PIGB: variants seen among roughly 807,000 people sequenced by gnomAD.
PIGB encodes GPI alpha-1,2-mannosyltransferase 3.
A neutral mutation model predicts 68.4 loss-of-function variants in PIGB; 58 were observed. The observed-to-expected ratio is 0.85, with a 90% CI of 0.69 to 1.06. The LOEUF is 1.06. PIGB is among the 50% of genes least tolerant of loss of function. The pLI is 0.00. For missense variants in PIGB, 634 were observed against 655.8 expected, an observed-to-expected ratio of 0.97 and a Z score of 0.36; for synonymous variants, 219 against 220.5, an observed-to-expected ratio of 0.99 and a Z score of 0.06.
chr15:55,328,916 C>T (rs1367994673), intron 4 of PIGB, among the ~76,000 whole-genome samples: 6 of 152,110 alleles, frequency 3.9e-5, no homozygotes, highest in Non-Finnish European at 1.5e-5. Context: ...TGCCACTGCA[C>T]TCTAACCTGG....
chr15:55,355,574 A>G lies in PIGB; in HGVS notation c.*142A>G, dbSNP rs2056062482. Reference sequence around the variant, plus strand: ...CCAAATATCACTACTGAGGAAATGTATAAAATACCACATAGTATAAAATTA... The same window carrying G: ...CCAAATATCACTACTGAGGAAATGTGTAAAATACCACATAGTATAAAATTA... On this transcript the variant is annotated 3_prime_UTR_variant, in exon 12 of 12. Transcript: ENST00000164305. 1 of 593,252 alleles carries G rather than the reference A, an allele frequency of 1.7e-6. No homozygotes were observed. The highest frequency in any genetic ancestry group is 2.8e-5 in the East Asian group (1 of 36,296). 36.7% of individuals were successfully genotyped at this position (593,252 alleles called of 1,614,324 possible).
At chr15:55,353,998 T>TAAAAATAAAAAAATAAAAAA (rs112479438) in intron 10 of PIGB, among the ~76,000 whole-genome samples, 3 of 112,034 alleles carry the variant, frequency 2.7e-5, no homozygotes, top group African/African-American at 1.3e-4. Flanking sequence ...TCATCTTAAA[T>TAAAAATAAAAAAATAAAAAA]AAAAAAAAAA....
intron 4 of PIGB, among the ~76,000 whole-genome samples, chr15:55,328,461 A>G (rs944951527): frequency 6.6e-6 from 1 of 152,232 alleles, no homozygotes; most frequent in Non-Finnish European, 1.5e-5. Flanking sequence ...CTGAAATATA[A>G]TTTATTAATA....
chr15:55,343,007 C>G (rs2055706876), intron 9 of PIGB: 2 of 151,918 alleles, frequency 1.3e-5, no homozygotes, highest in South Asian at 2.1e-4. Flanking sequence ...TAGGGAGTTA[C>G]AGTTTTCAAA....
intron 7 of PIGB, among the ~76,000 whole-genome samples, 157 bp downstream of exon 7, chr15:55,339,475 A>G (rs1339623476): frequency 6.6e-6 from 1 of 152,244 alleles, no homozygotes; most frequent in Non-Finnish European, 1.5e-5. Flanking sequence ...TGTGCTTTCT[A>G]CATAAAAGAA....
intron 5 of PIGB, among the ~76,000 whole-genome samples, chr15:55,332,225 G>A (rs192416784): frequency 1.4e-4 from 21 of 151,572 alleles, no homozygotes; most frequent in Middle Eastern, 3.4e-3. Context: ...CAGCTGCCTC[G>A]GCCTCCCAAA....
chr15:55,334,543 C>T (rs935248661), intron 6 of PIGB, among the ~76,000 whole-genome samples: 7 of 151,912 alleles, frequency 4.6e-5, no homozygotes, highest in Non-Finnish European at 8.8e-5. Flanking sequence ...TAGACTACCC[C>T]GAATAATTAT....
At chr15:55,328,231 AT>A (rs1335262552) in intron 4 of PIGB, among the ~76,000 whole-genome samples, 12 of 152,204 alleles carry the variant, frequency 7.9e-5, no homozygotes, top group African/African-American at 2.4e-4. Flanking sequence ...GGGAAGATAG[AT>A]TCCTGACATC....
intron 9 of PIGB, 83 bp downstream of exon 9, chr15:55,341,885 T>C: frequency 2.0e-6 from 1 of 507,576 alleles, no homozygotes; most frequent in Non-Finnish European, 3.4e-6. Flanking sequence ...TATGTCTATT[T>C]TCAACTAGGT....
At chr15:55,339,803 A>T (rs2055622057) in intron 7 of PIGB, among the ~76,000 whole-genome samples, 1 of 152,176 alleles carries the variant, frequency 6.6e-6, no homozygotes, top group African/African-American at 2.4e-5. Context: ...TATAAGTGGG[A>T]GCTAAGCTAT....
intron 9 of PIGB, among the ~76,000 whole-genome samples, chr15:55,345,057 A>G (rs2055761075): frequency 6.6e-6 from 1 of 151,522 alleles, no homozygotes. Flanking sequence ...CACCACAGCC[A>G]GCTAATTTTT....
chr15:55,355,331 G>A lies in PIGB; in HGVS notation c.1564G>A (p.Val522Ile). ...TTCAAGCAATTATAAAAGAACTGCT[G>A]TTTTCTTCCACACTCACTTGCCAGA... Reference protein sequence around the residue: ...LISSNYKRTAVFFHTHLPEGR... With the variant: ...LISSNYKRTAIFFHTHLPEGR... The change falls in exon 12 of 12, where the codon GTT becomes ATT. Residue 522 changes from valine (V) to isoleucine (I), a missense_variant. Transcript: ENST00000164305. The A allele has an allele frequency of 6.2e-7, 1 of 1,611,156 alleles. No individual in the cohort carries two copies. Among genetic ancestry groups the A allele is most frequent in the Non-Finnish European group, 8.5e-7 (1 of 1,177,758 alleles).
intron 2 of PIGB, 60 bp downstream of exon 2, chr15:55,320,470 C>A: frequency 1.3e-6 from 2 of 1,541,982 alleles, no homozygotes; most frequent in South Asian, 1.2e-5. Flanking sequence ...AAATTGTGCT[C>A]AGTTTCTTTT....
chr15:55,340,065 T>C (rs1485953147), intron 7 of PIGB: 1 of 152,196 alleles, frequency 6.6e-6, no homozygotes, highest in African/African-American at 2.4e-5. Context: ...GATTCTCACT[T>C]TGAATCTCAA....
intron 9 of PIGB, among the ~76,000 whole-genome samples, chr15:55,348,100 T>C (rs2055841664): frequency 6.7e-6 from 1 of 149,656 alleles, no homozygotes; most frequent in Non-Finnish European, 1.5e-5. Flanking sequence ...GTGATTCTCC[T>C]GCCTCAGCCT....
intron 9 of PIGB, among the ~76,000 whole-genome samples, chr15:55,344,126 A>C (rs1035522622): frequency 6.6e-6 from 1 of 152,250 alleles, no homozygotes; most frequent in African/African-American, 2.4e-5. Flanking sequence ...ATTGCTGTGT[A>C]AAAGGCCACC....
chr15:55,329,782 A>G lies in PIGB; in HGVS notation c.581A>G (p.Asn194Ser), dbSNP rs1421986861. 1.2e-6 allele frequency: 2 copies of G among 1,610,644 alleles called. No individual in the cohort carries two copies. Among genetic ancestry groups the G allele is most frequent in the East Asian group, 2.2e-5 (1 of 44,822 alleles). The change falls in exon 5 of 12, where the codon AAC (asparagine) becomes AGC (serine). Residue 194 changes from asparagine (N) to serine (S), a missense_variant. Physicochemically the swap from Asn to Ser is conservative, Grantham distance 46. Transcript: ENST00000164305. ...TATTGCTGTACCAGAACCCTTACAA[A>G]CACCATGGAAACTGTTCTCACTATA... ...TWYCCTRTLT[N>S]TMETVLTIIA...
At chr15:55,322,410 G>C (rs931933683) in intron 3 of PIGB, among the ~76,000 whole-genome samples, 1 of 152,114 alleles carries the variant, frequency 6.6e-6, no homozygotes, top group Admixed American at 6.5e-5. Flanking sequence ...GTAATTCCTA[G>C]GCTATTAATT....
At chr15:55,351,029 A>C in intron 10 of PIGB, 117 bp downstream of exon 10, 1 of 606,922 alleles carries the variant, frequency 1.6e-6, no homozygotes. Context: ...TAAATTTTAA[A>C]CTCCCACATA....
Sources: allele counts gnomAD v4.1 joint callset (sites outside exome capture counted in the v4.1 genomes callset), GRCh38; gene constraint gnomAD v4.1.1; transcripts MANE v1.5; gene names NCBI Gene and HGNC (gene_info 2026-07-23, HGNC 2026-07-21).